Variants in SLC25A48 observed in about 807,000 individuals in gnomAD.
The protein encoded by SLC25A48 is CTC-321K16.1.
Under a neutral mutation model 32.2 loss-of-function variants are expected in SLC25A48, and 29 were observed. That is an observed-to-expected ratio of 0.90 (90% CI 0.67 to 1.23). The LOEUF (loss-of-function observed/expected upper bound fraction) is 1.23, where lower values mean the gene tolerates loss of function less well. Ranked by LOEUF, SLC25A48 falls within the 50% of genes most tolerant of loss-of-function variation. The pLI is 0.00. For missense variants in SLC25A48, 399 were observed against 422.7 expected (o/e 0.94, Z 0.49); for synonymous variants, 164 against 172.3 (o/e 0.95, Z 0.38).
At chr5:135,668,719 G>C (rs1285562874) in intron 3 of SLC25A48, among the ~76,000 whole-genome samples, 2 of 152,150 alleles carry the variant, frequency 1.3e-5, no homozygotes, top group African/African-American at 4.8e-5. Context: ...CAGCAAACAG[G>C]GGATGAAGAA....
chr5:135,755,787 TATGAATGAA>T (rs1298764072), intron 3 of SLC25A48, among the ~76,000 whole-genome samples: 1 of 151,994 alleles, frequency 6.6e-6, no homozygotes, highest in African/African-American at 2.4e-5. Flanking sequence ...TGCACTATGG[TATGAATGAA>T]ATATCGCTGC....
intron 3 of SLC25A48, among the ~76,000 whole-genome samples, chr5:135,726,922 G>T (rs1311394035): frequency 1.3e-5 from 2 of 152,112 alleles, no homozygotes; most frequent in East Asian, 3.8e-4. Context: ...ATTTTCACCA[G>T]CAATGTATGA....
chr5:135,690,664 C>T (rs188765783), intron 3 of SLC25A48, among the ~76,000 whole-genome samples: 2 of 152,180 alleles, frequency 1.3e-5, no homozygotes, highest in East Asian at 1.9e-4. Flanking sequence ...ACAGGCCACC[C>T]GCCCCTCCCC....
At chr5:135,749,836 C>T (rs1455809856) in intron 3 of SLC25A48, among the ~76,000 whole-genome samples, 3 of 152,114 alleles carry the variant, frequency 2.0e-5, no homozygotes, top group Admixed American at 1.3e-4. Flanking sequence ...AGGTGATCCG[C>T]CTGCCTCGGA....
chr5:135,802,628 A>G (rs1041649243), intron 3 of SLC25A48, among the ~76,000 whole-genome samples: 12 of 151,602 alleles, frequency 7.9e-5, no homozygotes, highest in African/African-American at 2.9e-4. Flanking sequence ...GGGGTACACC[A>G]TGTGTGTTCA....
intron 3 of SLC25A48, among the ~76,000 whole-genome samples, chr5:135,645,725 A>T (rs997377741): frequency 6.6e-6 from 1 of 152,204 alleles, no homozygotes; most frequent in African/African-American, 2.4e-5. Flanking sequence ...TCAGTGGCTC[A>T]TGTTTTACTA....
chr5:135,826,152 GAACCC>G (rs1758041170), intron 4 of SLC25A48, among the ~76,000 whole-genome samples: 1 of 152,116 alleles, frequency 6.6e-6, no homozygotes, highest in South Asian at 2.1e-4. Flanking sequence ...CCAGCAGGAA[GAACCC>G]AACCCTTGGC....
intron 3 of SLC25A48, among the ~76,000 whole-genome samples, chr5:135,732,462 G>A (rs1488194878): frequency 6.6e-6 from 1 of 152,108 alleles, no homozygotes; most frequent in African/African-American, 2.4e-5. Context: ...CCCAAGGCAT[G>A]TGAGTAAAGT....
chr5:135,755,490 C>G (rs1290954299), intron 3 of SLC25A48, among the ~76,000 whole-genome samples: 1 of 151,392 alleles, frequency 6.6e-6, no homozygotes, highest in Non-Finnish European at 1.5e-5. Flanking sequence ...CATATCATAT[C>G]TAGTGTTGAT....
At chr5:135,711,269 C>A (rs1754656406) in intron 3 of SLC25A48, among the ~76,000 whole-genome samples, 1 of 152,214 alleles carries the variant, frequency 6.6e-6, no homozygotes, top group African/African-American at 2.4e-5. Flanking sequence ...AAGCAACATG[C>A]ACTTTGGGAA....
At chr5:135,873,893 G>T in intron 5 of SLC25A48, 128 bp from the exon 6 acceptor site, 1 of 1,079,520 alleles carries the variant, frequency 9.3e-7, no homozygotes, top group Non-Finnish European at 1.3e-6. Flanking sequence ...AACTTTGCAG[G>T]TTCTAAGCCT....
intron 7 of SLC25A48, among the ~76,000 whole-genome samples, chr5:135,884,792 T>G (rs188993066): frequency 2.6e-4 from 40 of 152,304 alleles, no homozygotes; most frequent in African/African-American, 9.4e-4. Flanking sequence ...TTAGAAGTGG[T>G]GCTGTGTCCA....
At chr5:135,621,888 A>C (rs978472868) in intron 1 of SLC25A48, among the ~76,000 whole-genome samples, 5 of 152,222 alleles carry the variant, frequency 3.3e-5, no homozygotes, top group African/African-American at 1.2e-4. Context: ...CAGGTGAATT[A>C]AGGAATAAAT....
intron 3 of SLC25A48, among the ~76,000 whole-genome samples, chr5:135,852,009 G>A (rs921847514): frequency 2.6e-5 from 4 of 152,256 alleles, no homozygotes; most frequent in Non-Finnish European, 4.4e-5. Flanking sequence ...GGGAACCCCT[G>A]TCTTACACCA....
intron 1 of SLC25A48, among the ~76,000 whole-genome samples, chr5:135,628,134 G>A (rs1561765096): frequency 6.6e-6 from 1 of 152,284 alleles, no homozygotes; most frequent in South Asian, 2.1e-4. Flanking sequence ...TGAAGGATGG[G>A]TAGGATCTGG....
intron 3 of SLC25A48, among the ~76,000 whole-genome samples, chr5:135,660,018 G>A (rs1300565583): frequency 6.6e-6 from 1 of 152,182 alleles, no homozygotes; most frequent in Non-Finnish European, 1.5e-5. Context: ...AAATGGTTTT[G>A]GTATATAGCT....
At chr5:135,841,436 A>G (rs6596268) in intron 1 of SLC25A48, among the ~76,000 whole-genome samples, 28,393 of 152,090 alleles carry the variant, frequency 0.19, 2,800 homozygotes, top group Middle Eastern at 0.25. Flanking sequence ...GATAAACTCC[A>G]ACCCCCTGTT....
rs9942320 is a variant in SLC25A48 at position 135,883,481 on chromosome 5, C to T, written c.*7+3384C>T. 5,211 of 985,262 alleles carry T rather than the reference C, an allele frequency of 5.3e-3. 219 individuals carry two copies. The African/African-American group carries it at 0.085, about 16-fold the overall frequency. 61.0% of individuals were successfully genotyped at this position (985,262 alleles called of 1,614,324 possible). The stretch of plus-strand genomic sequence containing the variant: ...ATTGTTTCTCTGTCAGATGCCTCTG[C>T]CTAGCTTCCAAGAGGCACCTGGCCA... On this transcript the variant is annotated intron_variant, in intron 7 of 7. Transcript: ENST00000681962.
At chr5:135,603,571 G>T (rs4434374) in intron 1 of SLC25A48, among the ~76,000 whole-genome samples, 2 of 151,992 alleles carry the variant, frequency 1.3e-5, no homozygotes, top group Admixed American at 1.3e-4. Flanking sequence ...GTGGTGGGGG[G>T]GTGCGAGCCA....
Sources: allele counts gnomAD v4.1 joint callset (sites outside exome capture counted in the v4.1 genomes callset), GRCh38; gene constraint gnomAD v4.1.1; transcripts MANE v1.5; gene names NCBI Gene and HGNC (gene_info 2026-07-23, HGNC 2026-07-21).